The following SCUBE1 variants were observed in gnomAD, a reference collection of about 807,000 sequenced individuals.
SCUBE1 encodes the protein signal peptide, CUB domain and EGF like domain containing 1, also known as signal peptide, CUB and EGF-like domain-containing protein 1.
A neutral mutation model predicts 124.4 loss-of-function variants in SCUBE1; 59 were observed. That is an observed-to-expected ratio of 0.47 (90% CI 0.38 to 0.59). The LOEUF (loss-of-function observed/expected upper bound fraction) is 0.59, where lower values mean the gene tolerates loss of function less well. Ranked by LOEUF, SCUBE1 falls within the 20% of genes least tolerant of loss-of-function variation. SCUBE1 has a pLI of 0.00. For missense variants in SCUBE1, 1,150 were observed against 1,371.2 expected (o/e 0.84, Z 2.55); for synonymous variants, 545 against 550.9 (o/e 0.99, Z 0.15).
intron 6 of SCUBE1, among the ~76,000 whole-genome samples, chr22:43,240,263 T>C (rs1007949144): frequency 6.6e-6 from 1 of 152,208 alleles, no homozygotes; most frequent in African/African-American, 2.4e-5. Flanking sequence ...GCTCGTCCTC[T>C]GTGTGTCTCC....
In SCUBE1 at chr22:43,320,298, C is replaced by A. The variant is rs190252197; in HGVS notation, c.221-233G>T. On this transcript the variant is annotated intron_variant, in intron 2 of 21. Coordinates refer to ENST00000360835, the MANE Select transcript of SCUBE1 (RefSeq NM_173050.5). ...AGATTCACACCTAGTTCTGCCTCCACGGAGCCAGTGTACAATTTCTGAAAA... is the reference window on the plus strand; with the variant it reads ...AGATTCACACCTAGTTCTGCCTCCAAGGAGCCAGTGTACAATTTCTGAAAA... Among the ~76,000 whole-genome samples the A allele has an allele frequency of 3.9e-5, 6 of 152,306 alleles. No individual in the cohort carries two copies. In the East Asian group the frequency reaches 1.2e-3, roughly 29 times the overall value.
intron 4 of SCUBE1, among the ~76,000 whole-genome samples, chr22:43,286,905 A>G (rs1925169240): frequency 2.0e-5 from 3 of 152,220 alleles, no homozygotes; most frequent in Admixed American, 1.3e-4. Context: ...ATTGAGAGAA[A>G]AGGAGACAGT....
intron 4 of SCUBE1, among the ~76,000 whole-genome samples, chr22:43,266,931 G>T (rs1280558218): frequency 6.6e-6 from 1 of 152,118 alleles, no homozygotes; most frequent in Admixed American, 6.5e-5. Flanking sequence ...TGAGTGTGAG[G>T]ACAAAGCCTC....
At chr22:43,228,846 A>G (rs1465350747) in intron 9 of SCUBE1, among the ~76,000 whole-genome samples, 2 of 152,250 alleles carry the variant, frequency 1.3e-5, no homozygotes, top group African/African-American at 4.8e-5. Context: ...TGGCACTGGC[A>G]GAGACCTGCT....
intron 15 of SCUBE1, among the ~76,000 whole-genome samples, chr22:43,214,975 AC>A (rs889363350): frequency 3.3e-5 from 5 of 150,232 alleles, no homozygotes; most frequent in East Asian, 2.0e-4. Context: ...TGGTTTTAGA[AC>A]CCCCCCACCC....
At chr22:43,250,984 T>C (rs11912854) in intron 6 of SCUBE1, among the ~76,000 whole-genome samples, 5 of 152,246 alleles carry the variant, frequency 3.3e-5, no homozygotes, top group Admixed American at 2.0e-4. Flanking sequence ...TCACTGGCTA[T>C]GTGGCCTCCC....
intron 2 of SCUBE1, among the ~76,000 whole-genome samples, chr22:43,331,880 G>A (rs1277506497): frequency 6.6e-6 from 1 of 152,164 alleles, no homozygotes; most frequent in Admixed American, 6.5e-5. Flanking sequence ...GGATGAACAC[G>A]CTTAGTTAAA....
intron 9 of SCUBE1, 142 bp from the exon 10 acceptor site, chr22:43,227,638 A>G: frequency 1.0e-6 from 1 of 997,404 alleles, no homozygotes; most frequent in Non-Finnish European, 1.5e-6. Context: ...TGAGCAGTGC[A>G]CACGCCACAC....
At chr22:43,209,041 A>G (rs1218412635) in intron 19 of SCUBE1, among the ~76,000 whole-genome samples, 1 of 152,092 alleles carries the variant, frequency 6.6e-6, no homozygotes, top group Non-Finnish European at 1.5e-5. Flanking sequence ...ACGGGTGGGG[A>G]ATGTGGTCCC....
chr22:43,239,167 C>T (rs1250995423), intron 6 of SCUBE1, among the ~76,000 whole-genome samples: 1 of 152,222 alleles, frequency 6.6e-6, no homozygotes, highest in Non-Finnish European at 1.5e-5. Context: ...GACACCATTC[C>T]TGTGGGGTTG....
intron 3 of SCUBE1, among the ~76,000 whole-genome samples, chr22:43,292,282 C>T (rs1483237479): frequency 6.6e-6 from 1 of 152,186 alleles, no homozygotes; most frequent in Non-Finnish European, 1.5e-5. Flanking sequence ...CGGGGAGAGG[C>T]AGACCTCAGG....
chr22:43,207,506 T>G (rs777046538), intron 21 of SCUBE1, 28 bp downstream of exon 21: 2 of 1,575,662 alleles, frequency 1.3e-6, no homozygotes, highest in Non-Finnish European at 1.7e-6. Flanking sequence ...CAGGGTTACG[T>G]GGATTCCCTT....
At chr22:43,273,012 G>T (rs1363251709) in intron 4 of SCUBE1, among the ~76,000 whole-genome samples, 1 of 152,230 alleles carries the variant, frequency 6.6e-6, no homozygotes, top group Admixed American at 6.5e-5. Flanking sequence ...TGGCACACAA[G>T]GACTGCTGCC....
chr22:43,283,841 T>C (rs1277325864), intron 4 of SCUBE1: 1 of 152,290 alleles, frequency 6.6e-6, no homozygotes. Flanking sequence ...TCCTATTGTT[T>C]TGACTCTAGT....
chr22:43,245,451 C>T (rs957493683), intron 6 of SCUBE1, among the ~76,000 whole-genome samples: 8 of 152,056 alleles, frequency 5.3e-5, no homozygotes, highest in South Asian at 2.1e-4. Context: ...GGTGGTGGCG[C>T]GGGTGGGGTG....
intron 19 of SCUBE1, among the ~76,000 whole-genome samples, chr22:43,209,741 C>T (rs1330383921): frequency 1.3e-5 from 2 of 152,240 alleles, no homozygotes; most frequent in African/African-American, 2.4e-5. Context: ...GCTGGTCCCG[C>T]CACTGGGATG....
At chr22:43,214,369 A>G (rs537249409) in intron 15 of SCUBE1, 118 bp from the exon 16 acceptor site, 7 of 975,950 alleles carry the variant, frequency 7.2e-6, no homozygotes, top group African/African-American at 3.3e-5. Context: ...TGGGGCCCCA[A>G]GGACACAGAG....
In SCUBE1 at chr22:43,204,070, T is replaced by A; in HGVS notation, c.2894A>T (p.Lys965Met). 1 of 1,613,976 alleles carries A rather than the reference T, an allele frequency of 6.2e-7. No homozygotes were observed. Among genetic ancestry groups the A allele is most frequent in the Non-Finnish European group, 8.5e-7 (1 of 1,179,914 alleles). ...GATGAAGGACCGTGGGAACATCTCC[T>A]TGGATTCCTGGGCTGTGTACTTGAA... ...NYFKYTAQES[K>M]EMFPRSFIKL... The change falls in exon 22 of 22, where the codon AAG becomes ATG. Residue 965 changes from lysine to methionine, a missense_variant. By Grantham distance (95) the Lys-to-Met change is moderately conservative (BLOSUM62 -1). This residue lies in a region of SCUBE1 where 757 missense variants were observed against 840.9 expected (regional missense o/e 0.90). Coordinates refer to ENST00000360835, the MANE Select transcript of SCUBE1 (RefSeq NM_173050.5).
intron 6 of SCUBE1, among the ~76,000 whole-genome samples, chr22:43,244,202 G>A (rs1182637256): frequency 6.6e-6 from 1 of 152,120 alleles, no homozygotes; most frequent in East Asian, 1.9e-4. Context: ...GGTTCCTCAG[G>A]GTTCCACAGG....
Sources: gnomAD v4.1 joint callset for allele counts (sites outside exome capture counted in the v4.1 genomes callset) on GRCh38, gnomAD v4.1.1 for gene constraint, gnomAD v4.1.1 regional missense constraint, MANE v1.5 for transcripts, NCBI Gene and HGNC (gene_info 2026-07-23, HGNC 2026-07-21) for gene names.